RP1: variants seen among roughly 807,000 people sequenced by gnomAD.
RP1 encodes the protein oxygen-regulated protein 1.
RP1 carries 16 observed loss-of-function variants against 14.8 expected under a neutral mutation model. The ratio of observed to expected loss-of-function variants is 1.08; its 90% CI spans 0.73 to 1.65. The LOEUF (loss-of-function observed/expected upper bound fraction) is 1.65. Among genes scored for constraint, RP1 ranks in the 40% most tolerant of loss-of-function variants. The pLI is 0.00. For synonymous variants in RP1, 876 were observed against 883.6 expected (o/e 0.99, Z 0.15); for missense variants, 2,631 against 2,535.0 (o/e 1.04, Z -0.81).
chr8:54,721,817 G>A (rs1214149872), intron 16 of RP1, among the ~76,000 whole-genome samples: 2 of 152,200 alleles, frequency 1.3e-5, no homozygotes, highest in African/African-American at 4.8e-5. Context: ...GGAAGGGTTT[G>A]AAAGCATCAA....
At chr8:54,583,108 C>T (rs1306004617) in intron 1 of RP1, among the ~76,000 whole-genome samples, 2 of 152,138 alleles carry the variant, frequency 1.3e-5, no homozygotes, top group African/African-American at 4.8e-5. Context: ...CCAGTTTTTG[C>T]CCATTCAGTA....
exon 16 of RP1, chr8:54,720,247 C>G (rs949248354): frequency 2.7e-5 from 42 of 1,535,796 alleles, no homozygotes; most frequent in Non-Finnish European, 3.5e-5. Flanking sequence ...GATGGGCAGG[C>G]AAAACCAATG....
At chr8:54,633,737 C>CTCTCTATATATA (rs1236298691), downstream of RP1, among the ~76,000 whole-genome samples, 85 of 118,790 alleles carry the variant, frequency 7.2e-4, no homozygotes, top group Middle Eastern at 4.5e-3. Flanking sequence ...CTCTCTCTCT[C>CTCTCTATATATA]TATATATATA....
intron 24 of RP1, among the ~76,000 whole-genome samples, chr8:54,804,962 G>C (rs10110374): frequency 0.057 from 8,663 of 152,170 alleles, 758 homozygotes; most frequent in African/African-American, 0.19. Flanking sequence ...ATAAATATGG[G>C]TGTAGCTTTC....
chr8:54,833,769 A>T (rs1471261074), intron 24 of RP1, among the ~76,000 whole-genome samples: 1 of 152,038 alleles, frequency 6.6e-6, no homozygotes, highest in Non-Finnish European at 1.5e-5. Flanking sequence ...TGTTAAATTA[A>T]AAAAATACAC....
At chr8:54,564,364 C>T (rs1226872123) in intron 1 of RP1, among the ~76,000 whole-genome samples, 2 of 152,108 alleles carry the variant, frequency 1.3e-5, no homozygotes, top group East Asian at 1.9e-4. Flanking sequence ...AAACCTAGAT[C>T]CAGCACTTCA....
chr8:54,766,143 A>T (rs563287816), intron 22 of RP1, among the ~76,000 whole-genome samples: 1 of 152,292 alleles, frequency 6.6e-6, no homozygotes, highest in Non-Finnish European at 1.5e-5. Flanking sequence ...TCTCATTACG[A>T]ATAATTTATG....
intron 12 of RP1, among the ~76,000 whole-genome samples, chr8:54,681,606 G>A (rs901745354): frequency 1.6e-4 from 24 of 151,370 alleles, no homozygotes; most frequent in African/African-American, 5.8e-4. Flanking sequence ...CGTGTGCCAT[G>A]GTGGTTTGCT....
At chr8:54,775,792 G>A (rs1349293831) in intron 23 of RP1, among the ~76,000 whole-genome samples, 3 of 152,332 alleles carry the variant, frequency 2.0e-5, no homozygotes, top group East Asian at 3.9e-4. Context: ...ATACAGACCT[G>A]CATACTTAGG....
intron 12 of RP1, chr8:54,699,463 C>T (rs1421480171): frequency 2.3e-6 from 3 of 1,329,432 alleles, no homozygotes; most frequent in Admixed American, 5.5e-5. Context: ...AAAATGTTTT[C>T]CAGGTGTCTT....
intron 24 of RP1, among the ~76,000 whole-genome samples, chr8:54,792,288 C>G (rs1810481750): frequency 6.6e-6 from 1 of 151,884 alleles, no homozygotes; most frequent in Admixed American, 6.6e-5. Flanking sequence ...ATTAAACCCT[C>G]AATGACGGAT....
intron 24 of RP1, among the ~76,000 whole-genome samples, chr8:54,787,552 A>G (rs1285135043): frequency 6.6e-6 from 1 of 152,218 alleles, no homozygotes; most frequent in Non-Finnish European, 1.5e-5. Context: ...TTACTTATAA[A>G]CCTGCCCAGA....
chr8:54,813,066 G>A (rs1206839026), intron 24 of RP1, among the ~76,000 whole-genome samples: 1 of 152,216 alleles, frequency 6.6e-6, no homozygotes, highest in Non-Finnish European at 1.5e-5. Flanking sequence ...GTGAGGAGGT[G>A]TTAACGGGAA....
At chr8:54,868,133 G>C (rs1179802828) in intron 28 of RP1, among the ~76,000 whole-genome samples, 2 of 152,168 alleles carry the variant, frequency 1.3e-5, no homozygotes, top group African/African-American at 2.4e-5. Flanking sequence ...TCCAGGGCAG[G>C]TGATAATGGT....
chr8:54,738,251 A>G (rs1808987235), intron 18 of RP1, among the ~76,000 whole-genome samples: 1 of 152,234 alleles, frequency 6.6e-6, no homozygotes, highest in Non-Finnish European at 1.5e-5. Flanking sequence ...AGTAAAAAAA[A>G]CATACTTTAC....
At position 54,626,942 on chromosome 8, in the gene RP1, G is replaced by A; in HGVS notation, c.3060G>A (p.Leu1020=). ...TGAATGATGCTTATTTGGTTCCCCT[G>A]CATGAACACTGTACTTTGTCACAGT... ...GSLNDAYLVP[L]HEHCTLSQSA... The change falls in exon 4 of 4, where the codon CTG becomes CTA. Residue 1020 remains leucine (L), a synonymous_variant. Transcript: ENST00000220676. 1 of 1,613,956 alleles carries A rather than the reference G, an allele frequency of 6.2e-7. No individual in the cohort carries two copies. Among genetic ancestry groups the A allele is most frequent in the South Asian group, 1.1e-5 (1 of 91,070 alleles).
At chr8:54,762,666 G>GT (rs371378551) in intron 22 of RP1, among the ~76,000 whole-genome samples, 185 of 152,266 alleles carry the variant, frequency 1.2e-3, no homozygotes, top group African/African-American at 4.2e-3. Context: ...TGTGGCTGCC[G>GT]TAACAAATTG....
chr8:54,859,147 G>A (rs1812278200), intron 27 of RP1, among the ~76,000 whole-genome samples: 1 of 152,054 alleles, frequency 6.6e-6, no homozygotes, highest in Non-Finnish European at 1.5e-5. Flanking sequence ...TGTCACTGTG[G>A]AGTGTTGTCA....
chr8:54,586,570 G>T (rs934791918), intron 1 of RP1, among the ~76,000 whole-genome samples: 23 of 152,328 alleles, frequency 1.5e-4, no homozygotes, highest in Admixed American at 1.4e-3. Flanking sequence ...CCTGCCTTTT[G>T]TTTGGCTATG....
Sources: gnomAD v4.1 joint callset for allele counts (sites outside exome capture counted in the v4.1 genomes callset) on GRCh38, gnomAD v4.1.1 for gene constraint, MANE v1.5 for transcripts, NCBI Gene and HGNC (gene_info 2026-07-23, HGNC 2026-07-21) for gene names.